Variants in AMY2B observed in about 807,000 individuals in gnomAD.
The protein encoded by AMY2B is alpha-amylase 2B.
In AMY2B, 63 loss-of-function variants were observed where a neutral mutation model predicts 59.3. That is an observed-to-expected ratio of 1.06 (90% CI 0.87 to 1.31). The LOEUF (loss-of-function observed/expected upper bound fraction) is 1.31, where lower values mean the gene tolerates loss of function less well. Ranked by LOEUF, AMY2B falls within the 50% of genes most tolerant of loss-of-function variation. The probability of loss-of-function intolerance (pLI) is 0.00; values close to 1 mark genes in which losing one functional copy is unlikely to be tolerated. For missense variants in AMY2B, 635 were observed against 626.7 expected, an observed-to-expected ratio of 1.01 and a Z score of -0.14; for synonymous variants, 180 against 198.1, an observed-to-expected ratio of 0.91 and a Z score of 0.77.
At chr1:103,573,570 G>A in intron 3 of AMY2B, 138 bp from the exon 4 acceptor site, 1 of 1,336,426 alleles carries the variant, frequency 7.5e-7, no homozygotes, top group Non-Finnish European at 1.0e-6. Context: ...AGTAGAATGT[G>A]AGCATCCCCA....
At chr1:103,567,574 C>A (rs1036861436), upstream of AMY2B, among the ~76,000 whole-genome samples, 2 of 152,216 alleles carry the variant, frequency 1.3e-5, no homozygotes, top group Admixed American at 1.3e-4. Flanking sequence ...CCAAGCCACT[C>A]ACCTCTTTCC....
rs1287280421 is a variant in AMY2B, at chr1:103,573,908, T to G, written c.714T>G (p.Pro238=). The change falls in exon 4 of 10, where the codon CCT becomes CCG. Residue 238 remains proline (P), a synonymous_variant. Coordinates refer to ENST00000684275, the MANE Select transcript of AMY2B (RefSeq NM_001387437.1). Reference sequence around the variant, plus strand: ...ATAATCTAAACAGTAACTGGTTCCCTGCAGGAAGTAAACCTTTCATTTACC... The same window carrying G: ...ATAATCTAAACAGTAACTGGTTCCCGGCAGGAAGTAAACCTTTCATTTACC... ...KLHNLNSNWF[P]AGSKPFIYQE... is the part of the protein sequence containing the mutation. 3 of 1,613,848 alleles carry G rather than the reference T, an allele frequency of 1.9e-6. No individual in the cohort carries two copies. Among genetic ancestry groups the G allele is most frequent in the Non-Finnish European group, 2.5e-6 (3 of 1,179,762 alleles).
rs151132065 is a variant in AMY2B at position 103,577,605 on chromosome 1, T to C, written c.1217T>C (p.Ile406Thr). 29,774 of 1,611,438 alleles carry C rather than the reference T, an allele frequency of 0.018. 117 individuals carry two copies. Among genetic ancestry groups the C allele is most frequent in the Middle Eastern group, 0.032 (142 of 4,426 alleles). ...GTCTGTGAACATCGATGGCGCCAAA[T>C]AAGGTGAGAATATGTATTTAGACAT... ...DWVCEHRWRQIRNMVNFRNVV... is the reference protein window; with the variant it reads ...DWVCEHRWRQTRNMVNFRNVV... Residue 406 changes from isoleucine to threonine, a missense_variant, in exon 8 of 10, where the codon ATA becomes ACA. Ile to Thr is a moderately conservative substitution (Grantham distance 89). Coordinates refer to ENST00000684275, the MANE Select transcript of AMY2B (RefSeq NM_001387437.1).
rs1319545702 is a variant in AMY2B, at chr1:103,575,644, G to T, written c.1101+104G>T. The T allele has an allele frequency of 2.6e-6, 4 of 1,509,704 alleles. No homozygotes were observed. In the East Asian group the frequency reaches 9.2e-5, roughly 35 times the overall value. 93.5% of individuals were successfully genotyped at this position (1,509,704 alleles called of 1,614,324 possible). A position where few individuals can be genotyped will look rare whatever the true frequency, so the allele number is the denominator to read the frequency against. On this transcript the variant is annotated intron_variant, in intron 7 of 9. Transcript: ENST00000684275. The stretch of plus-strand genomic sequence containing the variant: ...TTAATTATATATTCAACAAATAATT[G>T]ATTAGAAACCTGATATAGGGCTGCG...
At chr1:103,558,527 A>C (rs1651629340) in intron 1 of AMY2B, among the ~76,000 whole-genome samples, 1 of 152,170 alleles carries the variant, frequency 6.6e-6, no homozygotes, top group South Asian at 2.1e-4. Flanking sequence ...AATAATCAGT[A>C]ATATTTCAAA....
chr1:103,557,100 A>G (rs1570633163), intron 1 of AMY2B, among the ~76,000 whole-genome samples: 3 of 152,132 alleles, frequency 2.0e-5, no homozygotes, highest in South Asian at 2.1e-4. Context: ...CAAACGGTAT[A>G]TAGAGCGTCC....
upstream of AMY2B, chr1:103,571,083 C>T: frequency 1.2e-6 from 1 of 817,938 alleles, no homozygotes; most frequent in Non-Finnish European, 1.5e-6. Context: ...GCTCCTTAAC[C>T]AGTTGTTTCT....
Position 103,578,857 on chromosome 1 carries a change from T to C in AMY2B, c.1347-454T>C, listed in dbSNP as rs184877933. ...TTAAATTATACTTTAAATTTTAGGG[T>C]ACGGGGAGGGGGGAGGGATAGCATT... is the stretch of plus-strand genomic sequence containing the variant. On this transcript the variant is annotated intron_variant, in intron 9 of 9. Transcript: ENST00000684275. Among the ~76,000 whole-genome samples, 451 of 97,118 alleles carry C rather than the reference T, an allele frequency of 4.6e-3. 1 individual carries two copies. The highest frequency in any genetic ancestry group is 0.014 in the Middle Eastern group (2 of 140). The allele number at this position is 97,118 out of a possible 152,430, so 63.7% of individuals were successfully genotyped here.
chr1:103,577,379 A>G (rs1652399127), intron 7 of AMY2B, 111 bp from the exon 8 acceptor site: 3 of 1,572,434 alleles, frequency 1.9e-6, no homozygotes, highest in Non-Finnish European at 1.7e-6. Flanking sequence ...TTCTAGATAA[A>G]GTCATTGAAT....
At chr1:103,575,075 T>C in intron 5 of AMY2B, 148 bp from the exon 6 acceptor site, 1 of 839,564 alleles carries the variant, frequency 1.2e-6, no homozygotes, top group Non-Finnish European at 1.7e-6. Context: ...TATATATATA[T>C]ATATATATAT....
At chr1:103,563,043 A>C (rs1651785289) in intron 1 of AMY2B, among the ~76,000 whole-genome samples, 1 of 152,076 alleles carries the variant, frequency 6.6e-6, no homozygotes, top group African/African-American at 2.4e-5. Flanking sequence ...ATTGATTGAA[A>C]AAATACTTTT....
intron 1 of AMY2B, among the ~76,000 whole-genome samples, chr1:103,557,271 C>G (rs1007610132): frequency 3.0e-4 from 45 of 151,976 alleles, no homozygotes; most frequent in African/African-American, 1.1e-3. Context: ...AAGAAAAAGC[C>G]AGGATATCAA....
intron 9 of AMY2B, among the ~76,000 whole-genome samples, chr1:103,578,060 C>A (rs1652434471): frequency 6.6e-6 from 1 of 152,166 alleles, no homozygotes; most frequent in Admixed American, 6.6e-5. Context: ...TAAGCAGAGT[C>A]CTTTCTGTGC....
At chr1:103,572,075 G>T (rs765035689) in intron 1 of AMY2B, 35 bp from the exon 2 acceptor site, 11 of 1,611,282 alleles carry the variant, frequency 6.8e-6, no homozygotes, top group Admixed American at 1.7e-5. Flanking sequence ...TATAGAGTAA[G>T]AATTTGGTAG....
At chr1:103,574,906 C>A (rs1208122679) in intron 5 of AMY2B, among the ~76,000 whole-genome samples, 2 of 151,210 alleles carry the variant, frequency 1.3e-5, no homozygotes, top group Non-Finnish European at 2.9e-5. Flanking sequence ...TCTGAAAGGA[C>A]CTTTTTTAAT....
intron 2 of AMY2B, 54 bp downstream of exon 2, chr1:103,572,310 C>G: frequency 6.3e-7 from 1 of 1,587,358 alleles, no homozygotes; most frequent in Non-Finnish European, 8.6e-7. Flanking sequence ...TGATTTCTCT[C>G]TCTTCTTTCT....
At chr1:103,571,290 A>G, upstream of AMY2B, 4 of 747,668 alleles carry the variant, frequency 5.3e-6, no homozygotes, top group Non-Finnish European at 7.7e-6. Flanking sequence ...CTTTAAAGAG[A>G]TGACAACAAA....
chr1:103,563,770 T>C (rs1488726417), intron 1 of AMY2B, among the ~76,000 whole-genome samples: 1 of 152,182 alleles, frequency 6.6e-6, no homozygotes, highest in Non-Finnish European at 1.5e-5. Context: ...AGTTCATTGA[T>C]CTGGCATTGT....
intron 1 of AMY2B, among the ~76,000 whole-genome samples, chr1:103,555,997 T>C (rs980008199): frequency 8.5e-5 from 13 of 152,134 alleles, no homozygotes; most frequent in Non-Finnish European, 1.5e-5. Flanking sequence ...AACGGTAGGA[T>C]GAAGGGCAGA....
Sources: allele counts gnomAD v4.1 joint callset (sites outside exome capture counted in the v4.1 genomes callset), GRCh38; gene constraint gnomAD v4.1.1; transcripts MANE v1.5; gene names NCBI Gene and HGNC (gene_info 2026-07-23, HGNC 2026-07-21).